The following NFYA variants were observed in gnomAD, a reference collection of about 807,000 sequenced individuals.
The protein encoded by NFYA is CAAT-box DNA binding protein subunit A.
Under a neutral mutation model 52.8 loss-of-function variants are expected in NFYA, and 28 were observed. The ratio of observed to expected loss-of-function variants is 0.53; its 90% CI spans 0.39 to 0.73. The LOEUF (loss-of-function observed/expected upper bound fraction) is 0.73. NFYA is among the 30% of genes least tolerant of loss of function. NFYA has a pLI of 0.00. For missense variants in NFYA, 234 were observed against 427.0 expected (o/e 0.55, Z 3.98); for synonymous variants, 150 against 150.7 (o/e 1.00, Z 0.03).
rs1245145066 is a variant in NFYA at position 41,098,744 on chromosome 6, T to A, written c.*1334T>A. On this transcript the variant is annotated 3_prime_UTR_variant, in exon 10 of 10. Coordinates refer to ENST00000341376, the MANE Select transcript of NFYA (RefSeq NM_002505.5). ...CTCCATAGGCCTTGTGCAGAAAGGT[T>A]TTCTCATTGCATCCATACTGTGAGA... The A allele has an allele frequency of 6.6e-6, 1 of 152,668 alleles. No homozygotes were observed. The highest frequency in any genetic ancestry group is 1.5e-5 in the Non-Finnish European group (1 of 68,048). 9.5% of individuals were successfully genotyped at this position (152,668 alleles called of 1,614,324 possible).
intron 1 of NFYA, among the ~76,000 whole-genome samples, chr6:41,078,303 A>C (rs1004825418): frequency 2.0e-5 from 3 of 152,160 alleles, no homozygotes; most frequent in African/African-American, 7.2e-5. Flanking sequence ...ATTTATGGAG[A>C]GTGGTACTGT....
At chr6:41,095,168 C>T (rs942783334) in intron 9 of NFYA, among the ~76,000 whole-genome samples, 1 of 152,148 alleles carries the variant, frequency 6.6e-6, no homozygotes, top group Admixed American at 6.5e-5. Context: ...CTCCTTCAAC[C>T]CCTACCCTTT....
rs1244622494 is a variant in NFYA at position 41,099,013 on chromosome 6, A to ATT, written c.*1604_*1605dup. ...TCTTCTTTGACTTCAGCTTAACTGT[A>ATT]TTAAGACAGAAATTAAGCCCTCTAA... is the stretch of plus-strand genomic sequence containing the variant. On this transcript the variant is annotated 3_prime_UTR_variant, in exon 10 of 10. Coordinates refer to ENST00000341376, the MANE Select transcript of NFYA (RefSeq NM_002505.5). 1 of 152,258 alleles carries ATT rather than the reference A, an allele frequency of 6.6e-6. No homozygotes were observed. Among genetic ancestry groups the ATT allele is most frequent in the African/African-American group, 2.4e-5 (1 of 41,476 alleles). The allele number at this position is 152,258 out of a possible 1,614,324, so 9.4% of individuals were successfully genotyped here. A position where few individuals can be genotyped will look rare whatever the true frequency, so the allele number is the denominator to read the frequency against.
intron 3 of NFYA, among the ~76,000 whole-genome samples, chr6:41,082,221 T>G (rs112341507): frequency 1.1e-4 from 17 of 152,334 alleles, no homozygotes; most frequent in African/African-American, 3.8e-4. Context: ...GGTAATGATG[T>G]ACAGCCAACT....
intron 3 of NFYA, among the ~76,000 whole-genome samples, chr6:41,083,346 G>A (rs1763958118): frequency 6.6e-6 from 1 of 152,142 alleles, no homozygotes; most frequent in South Asian, 2.1e-4. Flanking sequence ...ATAACCATGT[G>A]GATATTATAG....
At chr6:41,084,532 AAATT>A (rs537617758) in intron 4 of NFYA, among the ~76,000 whole-genome samples, 15 of 152,362 alleles carry the variant, frequency 9.8e-5, no homozygotes, top group Admixed American at 3.3e-4. Flanking sequence ...AAGTGGGTCC[AAATT>A]AATTAAGTAG....
At chr6:41,091,426 G>A (rs906854816) in intron 6 of NFYA, 102 bp from the exon 7 acceptor site, 1 of 1,149,794 alleles carries the variant, frequency 8.7e-7, no homozygotes, top group Non-Finnish European at 1.2e-6. Context: ...GTTTTGCCAG[G>A]ATCGGTGAGT....
chr6:41,084,293 T>C (rs543694310), intron 4 of NFYA, 101 bp downstream of exon 4: 1 of 1,337,074 alleles, frequency 7.5e-7, no homozygotes, highest in Non-Finnish European at 1.0e-6. Flanking sequence ...TTTAACTGCT[T>C]CCTAACCCAC....
intron 8 of NFYA, among the ~76,000 whole-genome samples, 161 bp from the exon 9 acceptor site, chr6:41,094,235 G>A (rs558117352): frequency 6.6e-6 from 1 of 152,176 alleles, no homozygotes; most frequent in South Asian, 2.1e-4. Flanking sequence ...TTACTTACTA[G>A]GTGTTTTCTC....
Position 41,099,561 on chromosome 6 carries a change from A to G in NFYA, c.*2151A>G, listed in dbSNP as rs1764445622. On this transcript the variant is annotated 3_prime_UTR_variant, in exon 10 of 10. Transcript: ENST00000341376. ...ACTTTGGCACACCATAGTAGCCCAC[A>G]AAGTGGGGGCAGGGTATTGACATTT... is the stretch of plus-strand genomic sequence containing the variant. 1 of 152,226 alleles carries G rather than the reference A, an allele frequency of 6.6e-6. No individual in the cohort carries two copies. Among genetic ancestry groups the G allele is most frequent in the South Asian group, 2.1e-4 (1 of 4,830 alleles). The allele number at this position is 152,226 out of a possible 1,614,324, so 9.4% of individuals were successfully genotyped here.
chr6:41,088,147 G>A (rs531566124), intron 4 of NFYA, among the ~76,000 whole-genome samples: 149 of 152,164 alleles, frequency 9.8e-4, no homozygotes, highest in South Asian at 1.7e-3. Flanking sequence ...TGGCCGGTGC[G>A]GTGGCCCACA....
At chr6:41,086,272 G>A (rs184423517) in intron 4 of NFYA, among the ~76,000 whole-genome samples, 2 of 152,086 alleles carry the variant, frequency 1.3e-5, no homozygotes, top group South Asian at 2.1e-4. Flanking sequence ...TTTAATTGTC[G>A]GTTTGCTCAT....
At chr6:41,090,688 GACTATTAT>G (rs1764176810) in intron 6 of NFYA, among the ~76,000 whole-genome samples, 1 of 152,164 alleles carries the variant, frequency 6.6e-6, no homozygotes, top group African/African-American at 2.4e-5. Flanking sequence ...TACTTTAAAT[GACTATTAT>G]GTATACAGCA....
At chr6:41,078,137 C>T (rs894539204) in intron 1 of NFYA, among the ~76,000 whole-genome samples, 9 of 152,138 alleles carry the variant, frequency 5.9e-5, no homozygotes, top group Non-Finnish European at 1.2e-4. Context: ...TATTTCTCCA[C>T]CCATTCATCC....
At chr6:41,084,906 A>C (rs1449653458) in intron 4 of NFYA, among the ~76,000 whole-genome samples, 1 of 152,248 alleles carries the variant, frequency 6.6e-6, no homozygotes, top group East Asian at 1.9e-4. Context: ...GGTTGCAGTA[A>C]GCCAAGATTG....
chr6:41,079,253 T>C lies in NFYA; in HGVS notation c.75+89T>C. The C allele has an allele frequency of 4.1e-6, 5 of 1,220,772 alleles. No homozygotes were observed. In the South Asian group the frequency reaches 6.3e-5, roughly 15 times the overall value. 75.6% of individuals were successfully genotyped at this position (1,220,772 alleles called of 1,614,324 possible). Reference sequence around the variant, plus strand: ...GTTGGTCTATTGCCCTGGGGAATTATTTGAAAGATACCAGATCTTGTGAGA... The same window carrying C: ...GTTGGTCTATTGCCCTGGGGAATTACTTGAAAGATACCAGATCTTGTGAGA... On this transcript the variant is annotated intron_variant, in intron 2 of 9. Coordinates refer to ENST00000341376, the MANE Select transcript of NFYA (RefSeq NM_002505.5).
intron 4 of NFYA, among the ~76,000 whole-genome samples, chr6:41,088,897 T>C (rs1308061848): frequency 6.6e-6 from 1 of 152,158 alleles, no homozygotes; most frequent in Non-Finnish European, 1.5e-5. Context: ...ATTTTTAATA[T>C]ATATAGTATT....
At chr6:41,096,628 G>A (rs1764363542) in intron 9 of NFYA, among the ~76,000 whole-genome samples, 1 of 152,204 alleles carries the variant, frequency 6.6e-6, no homozygotes, top group African/African-American at 2.4e-5. Flanking sequence ...AAGGCTTTCA[G>A]CTTTTTCTCA....
intron 4 of NFYA, among the ~76,000 whole-genome samples, chr6:41,087,955 A>G (rs998949426): frequency 1.3e-5 from 2 of 152,248 alleles, no homozygotes; most frequent in Non-Finnish European, 2.9e-5. Flanking sequence ...TTAGCTATCC[A>G]ATCCTAGGAC....
Sources: allele counts gnomAD v4.1 joint callset (sites outside exome capture counted in the v4.1 genomes callset), GRCh38; gene constraint gnomAD v4.1.1; transcripts MANE v1.5; gene names NCBI Gene and HGNC (gene_info 2026-07-23, HGNC 2026-07-21).